The following SORCS1 variants were observed in gnomAD, a reference collection of about 807,000 sequenced individuals.
SORCS1 encodes the protein VPS10 domain-containing receptor SorCS1.
Under a neutral mutation model 146.1 loss-of-function variants are expected in SORCS1, and 60 were observed. The ratio of observed to expected loss-of-function variants is 0.41; its 90% CI spans 0.33 to 0.51. SORCS1 has a LOEUF of 0.51. Among genes scored for constraint, SORCS1 ranks in the 20% least tolerant of loss-of-function variants. The pLI, the probability that SORCS1 is intolerant of heterozygous loss-of-function variation, is 0.21. For synonymous variants in SORCS1, 637 were observed against 584.0 expected (o/e 1.09, Z -1.31); for missense variants, 1,352 against 1,487.6 (o/e 0.91, Z 1.50).
chr10:107,021,785 A>G (rs548984353), intron 1 of SORCS1, among the ~76,000 whole-genome samples: 1 of 152,156 alleles, frequency 6.6e-6, no homozygotes, highest in Non-Finnish European at 1.5e-5. Flanking sequence ...TAGCCTGATC[A>G]ATTATTTACA....
intron 1 of SORCS1, among the ~76,000 whole-genome samples, chr10:107,151,394 T>A (rs1968779863): frequency 6.6e-6 from 1 of 152,172 alleles, no homozygotes; most frequent in Non-Finnish European, 1.5e-5. Flanking sequence ...AAGACATACC[T>A]GAGACTGGGA....
chr10:106,832,143 C>T (rs1388809099), intron 2 of SORCS1, among the ~76,000 whole-genome samples: 1 of 150,178 alleles, frequency 6.7e-6, no homozygotes, highest in Non-Finnish European at 1.5e-5. Flanking sequence ...TAAGAAATAT[C>T]GAAGAATTCT....
chr10:106,728,400 C>A (rs970262127), intron 6 of SORCS1, among the ~76,000 whole-genome samples: 1 of 152,176 alleles, frequency 6.6e-6, no homozygotes, highest in East Asian at 1.9e-4. Flanking sequence ...CCAGAGCGAG[C>A]CCCCTGAGGA....
intron 6 of SORCS1, 139 bp from the exon 7 acceptor site, chr10:106,709,480 G>A (rs1184426297): frequency 1.6e-5 from 7 of 426,986 alleles, no homozygotes; most frequent in South Asian, 2.2e-5. Flanking sequence ...ATGGAGTCTC[G>A]CTCTGTCGCC....
chr10:106,581,139 G>A (rs1844881303), intron 24 of SORCS1, among the ~76,000 whole-genome samples: 2 of 152,192 alleles, frequency 1.3e-5, no homozygotes, highest in Non-Finnish European at 2.9e-5. Flanking sequence ...GTCATCAGGG[G>A]AAGAGAACAC....
At chr10:106,786,116 G>A (rs1946043711) in intron 3 of SORCS1, among the ~76,000 whole-genome samples, 1 of 152,102 alleles carries the variant, frequency 6.6e-6, no homozygotes, top group South Asian at 2.1e-4. Context: ...ACATACCTCA[G>A]AAGCATTAGA....
intron 17 of SORCS1, among the ~76,000 whole-genome samples, chr10:106,654,892 C>T (rs1850163776): frequency 6.6e-6 from 1 of 152,042 alleles, no homozygotes; most frequent in African/African-American, 2.4e-5. Context: ...GCTCTGTTGC[C>T]CAGGCTTTAC....
At chr10:107,177,159 T>A in the SORCS1 span, among the ~76,000 whole-genome samples, 3 of 152,178 alleles carry the variant, frequency 2.0e-5, no homozygotes, top group Admixed American at 6.6e-5. Flanking sequence ...TGCCTTTTTT[T>A]AACTTGTACT....
rs1847505779 is a variant in SORCS1, at chr10:106,618,217, T to C, written c.2852A>G (p.Asn951Ser). Reference sequence around the variant, plus strand: ...AGCTGAGACCTGCACTGTGATGGTATTCATTCCTTCTGAAGTAAATCTGAA... The same window carrying C: ...AGCTGAGACCTGCACTGTGATGGTACTCATTCCTTCTGAAGTAAATCTGAA... Reference protein sequence around the residue: ...ISFRFTSEGMNTITVQVSAGN... With the variant: ...ISFRFTSEGMSTITVQVSAGN... The change falls in exon 21 of 26, where the codon AAT becomes AGT. Residue 951 changes from asparagine to serine, a missense_variant. Transcript: ENST00000263054. 3.1e-6 allele frequency: 5 copies of C among 1,614,014 alleles called. No homozygotes were observed. In the East Asian group the frequency reaches 1.1e-4, roughly 36 times the overall value.
At chr10:106,882,186 C>A (rs1293197807) in intron 2 of SORCS1, among the ~76,000 whole-genome samples, 2 of 152,098 alleles carry the variant, frequency 1.3e-5, no homozygotes, top group Non-Finnish European at 2.9e-5. Context: ...GGTATCCAAT[C>A]TTTTGACTTC....
At chr10:106,769,860 C>T (rs1022247980) in intron 4 of SORCS1, among the ~76,000 whole-genome samples, 7 of 152,030 alleles carry the variant, frequency 4.6e-5, no homozygotes, top group African/African-American at 1.2e-4. Flanking sequence ...TTTCAGAGGC[C>T]GAGGCGGATC....
At chr10:106,796,940 C>T (rs1946593533) in intron 3 of SORCS1, among the ~76,000 whole-genome samples, 1 of 152,136 alleles carries the variant, frequency 6.6e-6, no homozygotes, top group South Asian at 2.1e-4. Flanking sequence ...AATCCCGTCT[C>T]TACTAAAAAC....
chr10:106,830,033 G>T (rs1216747110), intron 2 of SORCS1, among the ~76,000 whole-genome samples: 1 of 152,102 alleles, frequency 6.6e-6, no homozygotes, highest in Admixed American at 6.5e-5. Flanking sequence ...TTTATGTTTG[G>T]CCCAGTAGAA....
intron 1 of SORCS1, among the ~76,000 whole-genome samples, chr10:107,147,424 C>A (rs1968421273): frequency 6.6e-6 from 1 of 152,112 alleles, no homozygotes; most frequent in African/African-American, 2.4e-5. Flanking sequence ...AAAGTGCACC[C>A]CTACCCTCCC....
rs1007422140 is a variant in SORCS1 at position 106,776,389 on chromosome 10, C to T, written c.885+145G>A. On this transcript the variant is annotated intron_variant, in intron 4 of 25. Transcript: ENST00000263054. ...AACAAGCAACCTGAGACTCTCCTTG[C>T]TTTCCCTTGTCCCATTAGCACAGAG... The T allele has an allele frequency of 1.3e-5, 13 of 979,442 alleles. No homozygotes were observed. In the East Asian group the frequency reaches 2.5e-4, roughly 19 times the overall value. 60.7% of individuals were successfully genotyped at this position (979,442 alleles called of 1,614,324 possible). A position where few individuals can be genotyped will look rare whatever the true frequency, so the allele number is the denominator to read the frequency against.
chr10:107,101,515 T>C (rs1401595048), intron 1 of SORCS1, among the ~76,000 whole-genome samples: 1 of 152,190 alleles, frequency 6.6e-6, no homozygotes, highest in Non-Finnish European at 1.5e-5. Context: ...TATAGGCTCA[T>C]ACAGAATATT....
chr10:106,794,022 C>T (rs115847663), intron 3 of SORCS1, among the ~76,000 whole-genome samples: 1,595 of 152,244 alleles, frequency 0.01, 25 homozygotes, highest in African/African-American at 0.036. Context: ...AGTGGCAGAC[C>T]TTTTTTCTTT....
intron 9 of SORCS1, among the ~76,000 whole-genome samples, chr10:106,694,305 T>C (rs1320706422): frequency 6.6e-6 from 1 of 152,196 alleles, no homozygotes; most frequent in Non-Finnish European, 1.5e-5. Flanking sequence ...AGTCTTGCTC[T>C]GTCGCCCAGG....
chr10:106,798,417 T>A (rs919102080), intron 3 of SORCS1, among the ~76,000 whole-genome samples: 1 of 152,072 alleles, frequency 6.6e-6, no homozygotes, highest in African/African-American at 2.4e-5. Context: ...TAGGTATACC[T>A]CCTAATGCTA....
Sources: allele counts gnomAD v4.1 joint callset (sites outside exome capture counted in the v4.1 genomes callset), GRCh38; gene constraint gnomAD v4.1.1; transcripts MANE v1.5; gene names NCBI Gene and HGNC (gene_info 2026-07-23, HGNC 2026-07-21).